HSD17B12: variants seen among roughly 807,000 people sequenced by gnomAD.
The protein encoded by HSD17B12 is very-long-chain 3-oxoacyl-CoA reductase.
A neutral mutation model predicts 39.3 loss-of-function variants in HSD17B12; 32 were observed. The observed-to-expected ratio is 0.81, with a 90% CI of 0.61 to 1.09. HSD17B12 has a LOEUF of 1.09. Ranked by LOEUF, HSD17B12 falls within the 50% of genes least tolerant of loss-of-function variation. The pLI, the probability that HSD17B12 is intolerant of heterozygous loss-of-function variation, is 0.00. For missense variants in HSD17B12, 342 were observed against 382.9 expected, an observed-to-expected ratio of 0.89 and a Z score of 0.89; for synonymous variants, 150 against 146.7, an observed-to-expected ratio of 1.02 and a Z score of -0.16.
At position 43,856,600 on chromosome 11, in the gene HSD17B12, A is replaced by G. The variant is rs1175585672; in HGVS notation, c.*1352A>G. 1 of 152,234 alleles carries G rather than the reference A, an allele frequency of 6.6e-6. No homozygotes were observed. The highest frequency in any genetic ancestry group is 1.5e-5 in the Non-Finnish European group (1 of 68,046). The allele number at this position is 152,234 out of a possible 1,614,324, so 9.4% of individuals were successfully genotyped here. A position where few individuals can be genotyped will look rare whatever the true frequency, so the allele number is the denominator to read the frequency against. ...GTTGTCATTTAAGTTGAATAAATAT[A>G]TAGCTTTATGAAAAACACATTGTTT... is the stretch of plus-strand genomic sequence containing the variant. On this transcript the variant is annotated 3_prime_UTR_variant, in exon 11 of 11. Coordinates refer to ENST00000278353, the MANE Select transcript of HSD17B12 (RefSeq NM_016142.3).
chr11:43,794,655 A>G (rs555614227), intron 3 of HSD17B12, among the ~76,000 whole-genome samples: 12 of 152,338 alleles, frequency 7.9e-5, no homozygotes, highest in African/African-American at 2.6e-4. Flanking sequence ...TGCTACGGAA[A>G]GAGCGTGATC....
chr11:43,614,760 AT>A, the HSD17B12 span, among the ~76,000 whole-genome samples: 9 of 151,800 alleles, frequency 5.9e-5, no homozygotes, highest in Non-Finnish European at 7.4e-5. Context: ...CATTCAATAG[AT>A]TTTTTTTATT....
intron 9 of HSD17B12, among the ~76,000 whole-genome samples, chr11:43,843,493 G>A (rs923413690): frequency 6.6e-6 from 1 of 152,044 alleles, no homozygotes; most frequent in African/African-American, 2.4e-5. Context: ...GATTAAATTC[G>A]AACTCCACAA....
chr11:43,728,601 A>G (rs1425751641), intron 1 of HSD17B12, among the ~76,000 whole-genome samples: 2 of 152,058 alleles, frequency 1.3e-5, no homozygotes, highest in African/African-American at 4.8e-5. Flanking sequence ...TGGCTACTGT[A>G]CTTGTTACTC....
chr11:43,728,818 C>A (rs1180972728), intron 1 of HSD17B12, among the ~76,000 whole-genome samples: 1 of 152,120 alleles, frequency 6.6e-6, no homozygotes, highest in Non-Finnish European at 1.5e-5. Flanking sequence ...GACAGGTTTT[C>A]ACTGCCAGTC....
the HSD17B12 span, among the ~76,000 whole-genome samples, chr11:43,642,114 A>G: frequency 1.3e-5 from 2 of 151,772 alleles, no homozygotes; most frequent in Admixed American, 1.3e-4. Context: ...ATCTTAGTAT[A>G]AAGTTTAGGG....
intron 3 of HSD17B12, among the ~76,000 whole-genome samples, chr11:43,783,587 C>G (rs56071437): frequency 6.6e-6 from 1 of 151,840 alleles, no homozygotes; most frequent in East Asian, 1.9e-4. Flanking sequence ...TGAACAGGCC[C>G]TGGTGTGTGA....
chr11:43,699,624 A>G (rs1418992257), intron 1 of HSD17B12, among the ~76,000 whole-genome samples: 1 of 152,056 alleles, frequency 6.6e-6, no homozygotes, highest in Non-Finnish European at 1.5e-5. Context: ...CTGCAAATGG[A>G]GACATTTATT....
upstream of HSD17B12, among the ~76,000 whole-genome samples, chr11:43,678,869 G>T (rs1949715759): frequency 6.6e-6 from 1 of 152,176 alleles, no homozygotes; most frequent in Admixed American, 6.5e-5. Flanking sequence ...CAGGTAGTGT[G>T]ATGCCTCCAG....
the HSD17B12 span, among the ~76,000 whole-genome samples, chr11:43,603,433 T>C: frequency 6.6e-6 from 1 of 152,174 alleles, no homozygotes; most frequent in Non-Finnish European, 1.5e-5. Flanking sequence ...CTTTGCCTGG[T>C]TGAGGTTCTG....
chr11:43,680,436 G>T, upstream of HSD17B12: 1 of 232,790 alleles, frequency 4.3e-6, no homozygotes. Context: ...TTTCCTCTTC[G>T]AACCTGAGCT....
At chr11:43,811,533 T>C (rs1441114340) in intron 4 of HSD17B12, among the ~76,000 whole-genome samples, 1 of 152,226 alleles carries the variant, frequency 6.6e-6, no homozygotes, top group Non-Finnish European at 1.5e-5. Context: ...TCCGTGATAC[T>C]ATTTACTTTT....
the HSD17B12 span, among the ~76,000 whole-genome samples, chr11:43,639,913 A>T: frequency 6.6e-6 from 1 of 151,790 alleles, no homozygotes; most frequent in African/African-American, 2.4e-5. Flanking sequence ...CTGTATGAGA[A>T]CCCTAAGCGG....
chr11:43,623,975 C>G, the HSD17B12 span, among the ~76,000 whole-genome samples: 3 of 151,954 alleles, frequency 2.0e-5, no homozygotes, highest in Non-Finnish European at 2.9e-5. Context: ...GATAGTCCTT[C>G]CAAGCCTTGT....
At chr11:43,611,565 T>C in the HSD17B12 span, among the ~76,000 whole-genome samples, 1 of 152,220 alleles carries the variant, frequency 6.6e-6, no homozygotes, top group Non-Finnish European at 1.5e-5. Context: ...TAATCCTTCA[T>C]AACTGCAGAC....
chr11:43,578,241 A>T, the HSD17B12 span, among the ~76,000 whole-genome samples: 92,346 of 151,984 alleles, frequency 0.61, 28,274 homozygotes, highest in East Asian at 0.73. Flanking sequence ...GGTAAGTATT[A>T]GTGGGGCTAG....
intron 1 of HSD17B12, among the ~76,000 whole-genome samples, chr11:43,690,389 TATATA>T (rs1164234394): frequency 0.024 from 638 of 26,686 alleles, 127 homozygotes; most frequent in Non-Finnish European, 0.031. Context: ...TATATATATA[TATATA>T]TATATATATA....
chr11:43,633,046 C>T, the HSD17B12 span, among the ~76,000 whole-genome samples: 9 of 152,272 alleles, frequency 5.9e-5, no homozygotes, highest in South Asian at 4.1e-4. Context: ...AGTTTTGTTG[C>T]ATGGATATAT....
chr11:43,690,404 A>ATATATTTTTTTTTTTTTTTT (rs1554959942), intron 1 of HSD17B12, among the ~76,000 whole-genome samples: 2 of 24,958 alleles, frequency 8.0e-5, no homozygotes, highest in African/African-American at 1.9e-4. Flanking sequence ...ATATATATAT[A>ATATATTTTTTTTTTTTTTTT]TTTTTTTTTT....
Sources: gnomAD v4.1 joint callset for allele counts (sites outside exome capture counted in the v4.1 genomes callset) on GRCh38, gnomAD v4.1.1 for gene constraint, MANE v1.5 for transcripts, NCBI Gene and HGNC (gene_info 2026-07-23, HGNC 2026-07-21) for gene names.